FAM149A: variants seen among roughly 807,000 people sequenced by gnomAD.
FAM149A encodes family with sequence similarity 149 member A, also known as protein FAM149A.
In FAM149A, 71 loss-of-function variants were observed where a neutral mutation model predicts 78.2. The ratio of observed to expected loss-of-function variants is 0.91; its 90% CI spans 0.75 to 1.11. The LOEUF is 1.11. Ranked by LOEUF, FAM149A falls within the 50% of genes least tolerant of loss-of-function variation. The pLI, the probability that FAM149A is intolerant of heterozygous loss-of-function variation, is 0.00. For missense variants in FAM149A, 1,036 were observed against 971.0 expected (o/e 1.07, Z -0.89); for synonymous variants, 446 against 410.5 (o/e 1.09, Z -1.04).
intron 4 of FAM149A, among the ~76,000 whole-genome samples, chr4:186,152,809 G>A (rs532573543): frequency 3.9e-5 from 6 of 152,078 alleles, no homozygotes; most frequent in Non-Finnish European, 8.8e-5. Context: ...CTCCCAAAGT[G>A]CTGGGATTAC....
chr4:186,143,950 A>C (rs1028413804), intron 1 of FAM149A: 1 of 152,250 alleles, frequency 6.6e-6, no homozygotes, highest in Non-Finnish European at 1.5e-5. Context: ...AATACGGGAT[A>C]CTTGGCAGGA....
At position 186,105,432 on chromosome 4, in the gene FAM149A, C is replaced by A; in HGVS notation, c.356C>A (p.Ser119Tyr). Residue 119 changes from serine to tyrosine, a missense_variant, in exon 1 of 14, where the codon TCC becomes TAC. By Grantham distance (144) the Ser-to-Tyr change is moderately radical. Coordinates refer to ENST00000389354, the MANE Select transcript of FAM149A (RefSeq NM_001367768.3). ...CCCACTCCCTCCGGCGGGGGCTGCTCCCCTGCTCGCCTGGTGGTCCCAGCG... is the reference window on the plus strand; with the variant it reads ...CCCACTCCCTCCGGCGGGGGCTGCTACCCTGCTCGCCTGGTGGTCCCAGCG... 1 of 1,212,074 alleles carries A rather than the reference C, an allele frequency of 8.3e-7. No individual in the cohort carries two copies. The highest frequency in any genetic ancestry group is 1.0e-6 in the Non-Finnish European group (1 of 957,122). 75.1% of individuals were successfully genotyped at this position (1,212,074 alleles called of 1,614,324 possible). A position where few individuals can be genotyped will look rare whatever the true frequency, so the allele number is the denominator to read the frequency against.
At chr4:186,133,300 TC>T in intron 1 of FAM149A, 1 of 683,994 alleles carries the variant, frequency 1.5e-6, no homozygotes, top group Non-Finnish European at 1.8e-6. Context: ...GCCATCCATC[TC>T]CAGAAGTTTT....
intron 3 of FAM149A, among the ~76,000 whole-genome samples, chr4:186,150,478 GGC>G (rs1733431113): frequency 2.3e-5 from 3 of 128,960 alleles, no homozygotes; most frequent in African/African-American, 5.6e-5. Flanking sequence ...GGAGTGCAGG[GGC>G]GCGATCTCGG....
intron 11 of FAM149A, among the ~76,000 whole-genome samples, chr4:186,165,839 C>A (rs1391134176): frequency 2.0e-5 from 3 of 152,208 alleles, no homozygotes; most frequent in African/African-American, 7.2e-5. Context: ...TCACTTTAAT[C>A]TCCCTGAGCC....
chr4:186,134,867 C>T (rs1400464760), intron 1 of FAM149A, among the ~76,000 whole-genome samples: 4 of 152,174 alleles, frequency 2.6e-5, no homozygotes, highest in Admixed American at 2.6e-4. Context: ...CTCCTTCAAA[C>T]ATTGATTAAA....
At chr4:186,166,015 A>T (rs970633533) in intron 11 of FAM149A, among the ~76,000 whole-genome samples, 1 of 152,182 alleles carries the variant, frequency 6.6e-6, no homozygotes, top group African/African-American at 2.4e-5. Context: ...AACCTTTGCT[A>T]TGTCTATTGC....
In FAM149A at chr4:186,155,993, T is replaced by G. The variant is rs756211875; in HGVS notation, c.1230-7T>G. 4 of 1,608,522 alleles carry G rather than the reference T, an allele frequency of 2.5e-6. No homozygotes were observed. Among genetic ancestry groups the G allele is most frequent in the Non-Finnish European group, 3.4e-6 (4 of 1,178,026 alleles). Reference sequence around the variant, plus strand: ...TTTTAGTAATTGGAGTGGGTTTTTATTCTTAGTGATGATGAATGTCTTGAA... The same window carrying G: ...TTTTAGTAATTGGAGTGGGTTTTTAGTCTTAGTGATGATGAATGTCTTGAA... On this transcript the variant is annotated splice_region_variant and splice_polypyrimidine_tract_variant and intron_variant, in intron 6 of 13. Coordinates refer to ENST00000389354, the MANE Select transcript of FAM149A (RefSeq NM_001367768.3).
At chr4:186,170,532 C>G (rs75340274) in intron 13 of FAM149A, among the ~76,000 whole-genome samples, 4 of 152,216 alleles carry the variant, frequency 2.6e-5, no homozygotes, top group Non-Finnish European at 4.4e-5. Flanking sequence ...GGCCAACCCC[C>G]GCCTAGAACC....
intron 1 of FAM149A, chr4:186,129,972 A>G (rs1383645541): frequency 1.3e-5 from 2 of 152,148 alleles, no homozygotes; most frequent in Admixed American, 6.5e-5. Context: ...AGATATAAGA[A>G]TTCTTAATTT....
At chr4:186,128,886 GTGTA>G (rs1229105382) in intron 1 of FAM149A, among the ~76,000 whole-genome samples, 1 of 151,892 alleles carries the variant, frequency 6.6e-6, no homozygotes, top group Non-Finnish European at 1.5e-5. Flanking sequence ...GTGTATGGGT[GTGTA>G]TGTGTGTGTG....
chr4:186,151,311 G>A (rs547700034), intron 3 of FAM149A, among the ~76,000 whole-genome samples: 2 of 152,136 alleles, frequency 1.3e-5, no homozygotes, highest in East Asian at 1.9e-4. Flanking sequence ...TTAGTACAAC[G>A]TTTAATGGAA....
At chr4:186,153,510 G>A (rs1733778178) in intron 4 of FAM149A, 135 bp from the exon 5 acceptor site, 9 of 1,482,762 alleles carry the variant, frequency 6.1e-6, no homozygotes, top group African/African-American at 1.4e-5. Flanking sequence ...TCTGTGATGC[G>A]TGATGCTTCC....
At chr4:186,168,624 GGGATTACA>G (rs994402685) in intron 13 of FAM149A, among the ~76,000 whole-genome samples, 4 of 152,164 alleles carry the variant, frequency 2.6e-5, no homozygotes, top group African/African-American at 9.7e-5. Flanking sequence ...CCAAAGTGCT[GGGATTACA>G]GGCATGAGCC....
At chr4:186,150,667 T>C (rs76703394) in intron 3 of FAM149A, among the ~76,000 whole-genome samples, 57,680 of 141,986 alleles carry the variant, frequency 0.41, 12,142 homozygotes, top group East Asian at 0.5. Context: ...GATCCGCCCG[T>C]CTCGGCCTCC....
At chr4:186,154,379 A>C in intron 5 of FAM149A, 89 bp from the exon 6 acceptor site, 1 of 1,122,810 alleles carries the variant, frequency 8.9e-7, no homozygotes, top group South Asian at 1.8e-5. Flanking sequence ...TGTACTTTAC[A>C]GATAATTGAA....
intron 1 of FAM149A, among the ~76,000 whole-genome samples, chr4:186,108,921 C>G (rs2099309979): frequency 6.6e-6 from 1 of 150,618 alleles, no homozygotes; most frequent in Non-Finnish European, 1.5e-5. Context: ...GATCTCGGCT[C>G]ACTGCAAGCT....
rs1733295300 is a variant in FAM149A, at chr4:186,149,400, C to T, written c.677+117C>T. 8 of 1,095,868 alleles carry T rather than the reference C, an allele frequency of 7.3e-6. No homozygotes were observed. In the East Asian group the frequency reaches 4.8e-4, roughly 65 times the overall value. The allele number at this position is 1,095,868 out of a possible 1,614,324, so 67.9% of individuals were successfully genotyped here. A position where few individuals can be genotyped will look rare whatever the true frequency, so the allele number is the denominator to read the frequency against. On this transcript the variant is annotated intron_variant, in intron 2 of 13. Coordinates refer to ENST00000389354, the MANE Select transcript of FAM149A (RefSeq NM_001367768.3). ...AGTAAGATGCAGTTTTATTTTTAAC[C>T]TAGTGTAAACATCACACTGTAAAAA...
Position 186,104,798 on chromosome 4 carries a change from G to A in FAM149A, c.-279G>A, listed in dbSNP as rs114861951. 0.18 allele frequency among the ~76,000 whole-genome samples: 26,694 copies of A among 149,896 alleles called. 2,729 individuals carry two copies. Among genetic ancestry groups the A allele is most frequent in the Non-Finnish European group, 0.22 (14,818 of 67,490 alleles). ...GGGGCGGGCGGCGGCCGCGCTTCCCGGGGCTCCTGGCCCTTCGGCCCTCGG... is the reference window on the plus strand; with the variant it reads ...GGGGCGGGCGGCGGCCGCGCTTCCCAGGGCTCCTGGCCCTTCGGCCCTCGG... On this transcript the variant is annotated 5_prime_UTR_variant, in exon 1 of 14. Coordinates refer to ENST00000389354, the MANE Select transcript of FAM149A (RefSeq NM_001367768.3).
Sources: gnomAD v4.1 joint callset for allele counts (sites outside exome capture counted in the v4.1 genomes callset) on GRCh38, gnomAD v4.1.1 for gene constraint, MANE v1.5 for transcripts, NCBI Gene and HGNC (gene_info 2026-07-23, HGNC 2026-07-21) for gene names.